Variants in ACYP2 observed in about 807,000 individuals in gnomAD.
ACYP2 encodes acylphosphatase 2.
In ACYP2, 12 loss-of-function variants were observed where a neutral mutation model predicts 11.2. That is an observed-to-expected ratio of 1.08 (90% CI 0.69 to 1.74). ACYP2 has a LOEUF of 1.74. Among genes scored for constraint, ACYP2 ranks in the 40% most tolerant of loss-of-function variants. The pLI, the probability that ACYP2 is intolerant of heterozygous loss-of-function variation, is 0.00. For synonymous variants in ACYP2, 43 were observed against 32.2 expected, an observed-to-expected ratio of 1.33 and a Z score of -1.13; for missense variants, 134 against 101.9, an observed-to-expected ratio of 1.31 and a Z score of -1.35.
intron 6 of ACYP2, among the ~76,000 whole-genome samples, chr2:54,177,088 C>T (rs1399175946): frequency 2.0e-5 from 3 of 152,194 alleles, no homozygotes; most frequent in Non-Finnish European, 2.9e-5. Flanking sequence ...TTGTTTTTCA[C>T]TAAATATTTT....
chr2:53,983,448 G>A (rs989173183), intron 2 of ACYP2, among the ~76,000 whole-genome samples: 3 of 152,190 alleles, frequency 2.0e-5, no homozygotes, highest in African/African-American at 7.2e-5. Flanking sequence ...TGAGGCTGCA[G>A]CGAGATGTGA....
chr2:54,286,399 C>T (rs895539865), intron 6 of ACYP2, among the ~76,000 whole-genome samples: 1 of 151,998 alleles, frequency 6.6e-6, no homozygotes, highest in African/African-American at 2.4e-5. Context: ...GTTAGCACCA[C>T]CAGAAAGTCT....
At chr2:54,032,491 G>T (rs1323856833) in intron 2 of ACYP2, among the ~76,000 whole-genome samples, 1 of 152,134 alleles carries the variant, frequency 6.6e-6, no homozygotes, top group East Asian at 1.9e-4. Flanking sequence ...CTATATCTCT[G>T]TTTTGGTACC....
At chr2:54,035,628 C>G (rs1398382752) in intron 2 of ACYP2, among the ~76,000 whole-genome samples, 1 of 152,156 alleles carries the variant, frequency 6.6e-6, no homozygotes, top group African/African-American at 2.4e-5. Flanking sequence ...AATTTATACT[C>G]AACCATCTAC....
chr2:54,175,977 C>T (rs1683441880), intron 6 of ACYP2, among the ~76,000 whole-genome samples: 1 of 152,102 alleles, frequency 6.6e-6, no homozygotes, highest in Non-Finnish European at 1.5e-5. Flanking sequence ...AGCTCTCACA[C>T]CCCCTTTACC....
chr2:54,117,803 A>G (rs1454712636), intron 4 of ACYP2, among the ~76,000 whole-genome samples: 3 of 152,142 alleles, frequency 2.0e-5, no homozygotes, highest in African/African-American at 4.8e-5. Context: ...TTTGGAGAAC[A>G]GGTGGTGTTT....
At position 54,037,841 on chromosome 2, in the gene ACYP2, T is replaced by C. The variant is rs192510840; in HGVS notation, c.63-13117T>C. Among the ~76,000 whole-genome samples the C allele has an allele frequency of 3.9e-4, 59 of 152,312 alleles. No individual in the cohort carries two copies. In the East Asian group the frequency reaches 0.01, roughly 26 times the overall value. On this transcript the variant is annotated intron_variant, in intron 2 of 6. Transcript: ENST00000607452. Reference sequence around the variant, plus strand: ...GGTTATCAATGGTCATATCAGAAGATTGAAAATATCAACATTATAAATATC... The same window carrying C: ...GGTTATCAATGGTCATATCAGAAGACTGAAAATATCAACATTATAAATATC...
chr2:54,228,224 TA>T (rs1368489284), intron 6 of ACYP2, among the ~76,000 whole-genome samples: 1 of 152,208 alleles, frequency 6.6e-6, no homozygotes, highest in Non-Finnish European at 1.5e-5. Flanking sequence ...AATTAGTAGA[TA>T]TATAAGATCA....
intron 4 of ACYP2, among the ~76,000 whole-genome samples, chr2:54,118,914 A>G (rs1016455314): frequency 1.3e-5 from 2 of 152,132 alleles, no homozygotes; most frequent in African/African-American, 4.8e-5. Context: ...CATTTTACAT[A>G]TATTGTCTCA....
intron 6 of ACYP2, among the ~76,000 whole-genome samples, chr2:54,162,836 A>G (rs1435310629): frequency 6.6e-6 from 1 of 151,988 alleles, no homozygotes; most frequent in Non-Finnish European, 1.5e-5. Flanking sequence ...AAAAATCAGA[A>G]AGTTAGCCGG....
At chr2:54,023,314 A>G (rs1308808330) in intron 2 of ACYP2, among the ~76,000 whole-genome samples, 2 of 152,262 alleles carry the variant, frequency 1.3e-5, no homozygotes, top group East Asian at 3.9e-4. Flanking sequence ...TAACTTTATA[A>G]GAAATGTCAC....
chr2:54,140,729 T>C (rs1421001555), intron 6 of ACYP2, among the ~76,000 whole-genome samples: 1 of 152,198 alleles, frequency 6.6e-6, no homozygotes, highest in Non-Finnish European at 1.5e-5. Flanking sequence ...TTCCACAATA[T>C]ATAGATTTAT....
At position 54,304,686 on chromosome 2, in the gene ACYP2, A is replaced by T. The variant is rs551981517; in HGVS notation, c.405-2A>T. The T allele has an allele frequency of 1.7e-5, 28 of 1,601,138 alleles. No homozygotes were observed. In the East Asian group the frequency reaches 5.8e-4, roughly 33 times the overall value. ...TTTATTTATTTATCTGTTTTTTTAT[A>T]GGAAGTCCTGGCTGAGCAAGGTTGG... On this transcript the variant is annotated splice_acceptor_variant, in intron 6 of 6. Coordinates refer to ENST00000607452, the MANE Select transcript of ACYP2 (RefSeq NM_001320586.2). LOFTEE classifies it high-confidence loss of function.
In ACYP2 at chr2:53,980,015, A is replaced by G. The variant is rs573143061; in HGVS notation, c.62+6205A>G. On this transcript the variant is annotated intron_variant, in intron 2 of 6. Transcript: ENST00000607452. ...CCGAATGTGTTTGTTTTTTTAAGCT[A>G]AGTATTATTACAAAAGAGTCAAAAA... Among the ~76,000 whole-genome samples the G allele has an allele frequency of 2.2e-4, 34 of 152,086 alleles. No homozygotes were observed. In the South Asian group the frequency reaches 5.4e-3, roughly 24 times the overall value.
chr2:54,162,913 G>A (rs1274499180), intron 6 of ACYP2, among the ~76,000 whole-genome samples: 3 of 152,162 alleles, frequency 2.0e-5, no homozygotes, highest in Non-Finnish European at 4.4e-5. Flanking sequence ...GCTTGAGCCT[G>A]AGAAGTCAAG....
chr2:54,077,152 T>C (rs554981396), intron 4 of ACYP2, among the ~76,000 whole-genome samples: 60 of 152,316 alleles, frequency 3.9e-4, no homozygotes, highest in African/African-American at 1.3e-3. Flanking sequence ...GTAAGATACA[T>C]TTTCACAAAA....
intron 4 of ACYP2, among the ~76,000 whole-genome samples, chr2:54,132,486 G>C (rs185137877): frequency 8.2e-4 from 124 of 151,722 alleles, no homozygotes; most frequent in African/African-American, 2.5e-3. Context: ...ATACTTGTTG[G>C]GTACCACAGT....
intron 6 of ACYP2, among the ~76,000 whole-genome samples, chr2:54,182,620 G>T (rs1683793610): frequency 6.6e-6 from 1 of 152,168 alleles, no homozygotes; most frequent in Non-Finnish European, 1.5e-5. Context: ...TTACAGGTGT[G>T]AGTGACCATT....
intron 6 of ACYP2, among the ~76,000 whole-genome samples, chr2:54,212,541 C>G (rs1685370813): frequency 6.6e-6 from 1 of 152,186 alleles, no homozygotes; most frequent in South Asian, 2.1e-4. Flanking sequence ...TGCTTCCCAA[C>G]TCTCAGCATC....
Sources: gnomAD v4.1 joint callset for allele counts (sites outside exome capture counted in the v4.1 genomes callset) on GRCh38, gnomAD v4.1.1 for gene constraint, MANE v1.5 for transcripts, NCBI Gene and HGNC (gene_info 2026-07-23, HGNC 2026-07-21) for gene names.